Variants in PDE1C observed in about 807,000 individuals in gnomAD.
PDE1C encodes dual specificity calcium/calmodulin-dependent 3',5'-cyclic nucleotide phosphodiesterase 1C.
PDE1C carries 62 observed loss-of-function variants against 93.1 expected under a neutral mutation model. That is an observed-to-expected ratio of 0.67 (90% CI 0.54 to 0.82). The LOEUF is 0.82. Among genes scored for constraint, PDE1C ranks in the 40% least tolerant of loss-of-function variants. The probability of loss-of-function intolerance (pLI) is 0.00; values close to 1 mark genes in which losing one functional copy is unlikely to be tolerated. For missense variants in PDE1C, 742 were observed against 884.6 expected, an observed-to-expected ratio of 0.84 and a Z score of 2.04; for synonymous variants, 325 against 310.1, an observed-to-expected ratio of 1.05 and a Z score of -0.50.
At chr7:31,899,810 C>T (rs954350627) in intron 2 of PDE1C, among the ~76,000 whole-genome samples, 7 of 152,076 alleles carry the variant, frequency 4.6e-5, no homozygotes, top group African/African-American at 1.4e-4. Context: ...AATATGTTCC[C>T]CATTATAGTC....
chr7:32,311,533 G>A (rs1783040693), intron 1 of PDE1C, among the ~76,000 whole-genome samples: 1 of 152,160 alleles, frequency 6.6e-6, no homozygotes, highest in South Asian at 2.1e-4. Flanking sequence ...AAATCCAGCA[G>A]CACATCAAAA....
the PDE1C span, chr7:31,658,510 T>C: frequency 1.2e-6 from 1 of 852,672 alleles, no homozygotes; most frequent in Non-Finnish European, 1.6e-6. Context: ...AAGAAAAAGT[T>C]TTAGAGTGTT....
chr7:32,064,032 GTAAAAGGAC>G (rs1477862599), intron 1 of PDE1C, among the ~76,000 whole-genome samples: 1 of 152,170 alleles, frequency 6.6e-6, no homozygotes, highest in East Asian at 1.9e-4. Context: ...GAATGGGAGA[GTAAAAGGAC>G]CAGTTAATAC....
At chr7:32,327,803 G>A (rs375662284) in intron 1 of PDE1C, among the ~76,000 whole-genome samples, 15 of 100,748 alleles carry the variant, frequency 1.5e-4, no homozygotes, top group African/African-American at 4.0e-4. Context: ...GAATCATGTA[G>A]TGTGGCTTCT....
chr7:31,675,752 A>C, the PDE1C span, among the ~76,000 whole-genome samples: 1 of 151,940 alleles, frequency 6.6e-6, no homozygotes, highest in Non-Finnish European at 1.5e-5. Context: ...ATGTGTGCTA[A>C]ATTTATAAAG....
intron 2 of PDE1C, among the ~76,000 whole-genome samples, chr7:31,946,986 T>G (rs1420013745): frequency 6.6e-6 from 1 of 152,228 alleles, no homozygotes; most frequent in Non-Finnish European, 1.5e-5. Context: ...GGCTAGGAGT[T>G]GAGCTATATA....
intron 2 of PDE1C, among the ~76,000 whole-genome samples, chr7:31,913,933 A>G (rs2128944072): frequency 6.6e-6 from 1 of 152,116 alleles, no homozygotes; most frequent in South Asian, 2.1e-4. Context: ...TTCCGCCCAC[A>G]TCTCAGGGTT....
chr7:31,972,517 T>A (rs1811095205), intron 2 of PDE1C, among the ~76,000 whole-genome samples: 1 of 152,196 alleles, frequency 6.6e-6, no homozygotes, highest in Non-Finnish European at 1.5e-5. Flanking sequence ...TGTGCAGAAG[T>A]GCAGCTACAA....
chr7:32,193,670 T>C (rs1279714069), intron 2 of PDE1C, among the ~76,000 whole-genome samples: 1 of 152,182 alleles, frequency 6.6e-6, no homozygotes, highest in Non-Finnish European at 1.5e-5. Context: ...CATACATGAA[T>C]TGAGAAATAT....
chr7:31,799,048 T>C (rs137881526), intron 16 of PDE1C, among the ~76,000 whole-genome samples: 1 of 151,734 alleles, frequency 6.6e-6, no homozygotes, highest in Non-Finnish European at 1.5e-5. Flanking sequence ...AAAACTGGAA[T>C]ACAGGTGTCC....
At chr7:31,619,179 A>G in the PDE1C span, among the ~76,000 whole-genome samples, 1 of 152,216 alleles carries the variant, frequency 6.6e-6, no homozygotes, top group African/African-American at 2.4e-5. Flanking sequence ...CTTTGTAAGT[A>G]CAGGCAAGGT....
chr7:31,969,179 T>G (rs995126277), intron 2 of PDE1C, among the ~76,000 whole-genome samples: 8 of 151,882 alleles, frequency 5.3e-5, no homozygotes, highest in African/African-American at 1.2e-4. Context: ...CACAGCAAAA[T>G]AAACTACCAT....
At chr7:32,052,214 G>C in intron 1 of PDE1C, 1 of 450,776 alleles carries the variant, frequency 2.2e-6, no homozygotes, top group South Asian at 1.6e-5. Flanking sequence ...TTGAGAACCA[G>C]CATTAGGAAC....
At chr7:32,240,353 T>C (rs1249915107) in intron 1 of PDE1C, among the ~76,000 whole-genome samples, 3 of 152,218 alleles carry the variant, frequency 2.0e-5, no homozygotes, top group Non-Finnish European at 2.9e-5. Flanking sequence ...CACTCTTCCA[T>C]GTGCTAGGGA....
chr7:32,373,593 T>C (rs1228311486), intron 1 of PDE1C, among the ~76,000 whole-genome samples: 2 of 152,246 alleles, frequency 1.3e-5, no homozygotes, highest in Non-Finnish European at 2.9e-5. Context: ...ACCATTGAAT[T>C]GTATACTTTA....
In PDE1C at chr7:32,179,598, T is replaced by C. The variant is rs548503299; in HGVS notation, c.137-9642A>G. Among the ~76,000 whole-genome samples, 106 of 152,216 alleles carry C rather than the reference T, an allele frequency of 7.0e-4. 1 individual carries two copies. Among genetic ancestry groups the C allele is most frequent in the African/African-American group, 2.5e-3 (105 of 41,524 alleles). ...TTCCTTTAACAAAGGAAGCTCAGGC[T>C]GCAGGGGAGGATAAATAATGCCAGG... is the stretch of plus-strand genomic sequence containing the variant. On this transcript the variant is annotated intron_variant, in intron 2 of 18. Coordinates refer to the PDE1C transcript ENST00000396193.
chr7:32,195,812 A>G (rs1804572801), intron 2 of PDE1C, among the ~76,000 whole-genome samples: 2 of 152,242 alleles, frequency 1.3e-5, no homozygotes, highest in African/African-American at 2.4e-5. Context: ...CTACCTTATT[A>G]TGCCAGATAG....
chr7:31,699,233 A>G, the PDE1C span, among the ~76,000 whole-genome samples: 7 of 152,262 alleles, frequency 4.6e-5, no homozygotes, highest in South Asian at 1.5e-3. Flanking sequence ...CCTCAGTAAC[A>G]TCCTGCATCA....
intron 1 of PDE1C, among the ~76,000 whole-genome samples, chr7:32,213,343 G>T (rs571157937): frequency 3.0e-4 from 46 of 152,272 alleles, no homozygotes; most frequent in African/African-American, 1.1e-3. Flanking sequence ...TGGTCCCTCG[G>T]TGGCTCTGCC....
Sources: allele counts gnomAD v4.1 joint callset (sites outside exome capture counted in the v4.1 genomes callset), GRCh38; gene constraint gnomAD v4.1.1; transcripts MANE v1.5; gene names NCBI Gene and HGNC (gene_info 2026-07-23, HGNC 2026-07-21).